The following PREX1 variants were observed in gnomAD, a reference collection of about 807,000 sequenced individuals.
The protein encoded by PREX1 is phosphatidylinositol 3,4,5-trisphosphate-dependent Rac exchanger 1 protein.
In PREX1, 41 loss-of-function variants were observed where a neutral mutation model predicts 198.3. The observed-to-expected ratio is 0.21, with a 90% CI of 0.16 to 0.27. The LOEUF (loss-of-function observed/expected upper bound fraction) is 0.27, where lower values mean the gene tolerates loss of function less well. PREX1 is among the 10% of genes least tolerant of loss of function. PREX1 has a pLI of 1.00. For synonymous variants in PREX1, 843 were observed against 887.2 expected, an observed-to-expected ratio of 0.95 and a Z score of 0.89; for missense variants, 1,620 against 2,200.7, an observed-to-expected ratio of 0.74 and a Z score of 5.28.
intron 31 of PREX1, 96 bp from the exon 32 acceptor site, chr20:48,636,779 AC>A (rs1568793641): frequency 2.8e-6 from 3 of 1,079,424 alleles, no homozygotes; most frequent in Non-Finnish European, 3.9e-6. Context: ...CCCTCATGGA[AC>A]CCCCAGCAAA....
At chr20:48,692,825 G>T in intron 7 of PREX1, 35 bp from the exon 8 acceptor site, 1 of 1,546,940 alleles carries the variant, frequency 6.5e-7, no homozygotes, top group Non-Finnish European at 8.9e-7. Flanking sequence ...TCCCCTACAC[G>T]TCACCTCCCA....
chr20:48,675,792 G>A (rs11086259), intron 14 of PREX1, among the ~76,000 whole-genome samples: 60,512 of 151,580 alleles, frequency 0.4, 12,923 homozygotes, highest in African/African-American at 0.55. Flanking sequence ...TAATCCCAGT[G>A]ATTTGGGAGG....
intron 1 of PREX1, among the ~76,000 whole-genome samples, chr20:48,769,700 CAT>C (rs917713867): frequency 1.3e-4 from 20 of 152,202 alleles, no homozygotes; most frequent in Non-Finnish European, 1.8e-4. Flanking sequence ...CACGTAACCA[CAT>C]GACTCATTCA....
At chr20:48,772,560 T>G (rs1293241504) in intron 1 of PREX1, among the ~76,000 whole-genome samples, 6 of 152,244 alleles carry the variant, frequency 3.9e-5, no homozygotes, top group Non-Finnish European at 7.3e-5. Context: ...TTTTTCTCTT[T>G]GCGGAACTTC....
Position 48,651,537 on chromosome 20 carries a change from G to A in PREX1, c.2514C>T (p.Asp838=). ...CCACAGTCAGGGTGACCATGGGGCTGTCCTCACACAGGCTCAGCCGGGGAC... is the reference window on the plus strand; with the variant it reads ...CCACAGTCAGGGTGACCATGGGGCTATCCTCACACAGGCTCAGCCGGGGAC... ...SLGPRLSLCE[D]SPMVTLTVDN... The change falls in exon 22 of 40, where the codon GAC becomes GAT. Residue 838 remains aspartate (D), a synonymous_variant. Coordinates refer to ENST00000371941, the MANE Select transcript of PREX1 (RefSeq NM_020820.4). 1 of 1,614,198 alleles carries A rather than the reference G, an allele frequency of 6.2e-7. No individual in the cohort carries two copies.
intron 36 of PREX1, 68 bp from the exon 37 acceptor site, chr20:48,629,689 GC>G: frequency 6.6e-7 from 1 of 1,517,492 alleles, no homozygotes; most frequent in Non-Finnish European, 9.1e-7. Context: ...CCCCCATCTG[GC>G]CCTCCTCCCC....
chr20:48,874,106 A>G, the PREX1 span, among the ~76,000 whole-genome samples: 1 of 152,116 alleles, frequency 6.6e-6, no homozygotes, highest in Non-Finnish European at 1.5e-5. Context: ...TGACAATTAT[A>G]AGCATCTAGT....
intron 1 of PREX1, among the ~76,000 whole-genome samples, chr20:48,784,963 G>C (rs144694238): frequency 0.037 from 5,600 of 151,918 alleles, 170 homozygotes; most frequent in Non-Finnish European, 0.057. Context: ...ACTCAGGCTG[G>C]AGTGCAATGG....
chr20:48,770,792 C>T lies in PREX1; in HGVS notation c.220-22912G>A, dbSNP rs370271642. Among the ~76,000 whole-genome samples, 6 of 152,254 alleles carry T rather than the reference C, an allele frequency of 3.9e-5. 1 individual carries two copies. Among genetic ancestry groups the T allele is most frequent in the Admixed American group, 2.0e-4 (3 of 15,296 alleles). Reference sequence around the variant, plus strand: ...TTTGCAAACCTTTGCAATCACAAGGCAACCCCTTGGCAGCCCTAATCCATG... The same window carrying T: ...TTTGCAAACCTTTGCAATCACAAGGTAACCCCTTGGCAGCCCTAATCCATG... On this transcript the variant is annotated intron_variant, in intron 1 of 39. Transcript: ENST00000371941.
intron 6 of PREX1, among the ~76,000 whole-genome samples, 153 bp downstream of exon 6, chr20:48,708,107 A>C (rs763879178): frequency 6.6e-6 from 1 of 152,234 alleles, no homozygotes; most frequent in African/African-American, 2.4e-5. Context: ...ATTTGGATTT[A>C]ATTGAAAAAT....
intron 1 of PREX1, among the ~76,000 whole-genome samples, chr20:48,759,268 G>A (rs1679368102): frequency 6.6e-6 from 1 of 152,064 alleles, no homozygotes; most frequent in Admixed American, 6.6e-5. Context: ...ACTGCAGGCA[G>A]GCCAGGCGCG....
chr20:48,850,955 T>A, the PREX1 span, among the ~76,000 whole-genome samples: 1 of 152,206 alleles, frequency 6.6e-6, no homozygotes, highest in South Asian at 2.1e-4. Context: ...GGTTTTCACA[T>A]TTTAAATGGC....
chr20:48,804,298 C>T (rs1468990977), intron 1 of PREX1, among the ~76,000 whole-genome samples: 1 of 152,144 alleles, frequency 6.6e-6, no homozygotes, highest in Non-Finnish European at 1.5e-5. Flanking sequence ...GAAGAGCAGG[C>T]AAGAAGCAGA....
Position 48,734,496 on chromosome 20 carries a change from A to G in PREX1, c.519+50T>C, listed in dbSNP as rs2090048290. On this transcript the variant is annotated intron_variant, in intron 4 of 39. Coordinates refer to ENST00000371941, the MANE Select transcript of PREX1 (RefSeq NM_020820.4). ...AAGTCCTCTTGTGCCCAGATTCCACAAGGATGAGGCCGAGTGCAAGGGAGC... is the reference window on the plus strand; with the variant it reads ...AAGTCCTCTTGTGCCCAGATTCCACGAGGATGAGGCCGAGTGCAAGGGAGC... 8.6e-6 allele frequency: 13 copies of G among 1,511,320 alleles called. No individual in the cohort carries two copies. In the East Asian group the frequency reaches 2.7e-4, roughly 32 times the overall value. The allele number at this position is 1,511,320 out of a possible 1,614,324, so 93.6% of individuals were successfully genotyped here.
chr20:48,857,144 C>T, the PREX1 span, among the ~76,000 whole-genome samples: 1 of 152,208 alleles, frequency 6.6e-6, no homozygotes, highest in Non-Finnish European at 1.5e-5. Context: ...CAGCCTACCC[C>T]TAAATTTCTT....
intron 19 of PREX1, 98 bp from the exon 20 acceptor site, chr20:48,653,595 G>A (rs971068348): frequency 6.8e-6 from 10 of 1,465,018 alleles, no homozygotes; most frequent in Middle Eastern, 2.0e-4. Flanking sequence ...CCCCAGACAC[G>A]CGCAAGGACT....
At chr20:48,819,579 GT>G (rs2090474550) in intron 1 of PREX1, among the ~76,000 whole-genome samples, 1 of 152,184 alleles carries the variant, frequency 6.6e-6, no homozygotes. Context: ...CCCGGCTTTA[GT>G]TTCCCCATCT....
intron 6 of PREX1, among the ~76,000 whole-genome samples, chr20:48,703,323 G>A (rs751851242): frequency 5.3e-5 from 8 of 152,222 alleles, no homozygotes; most frequent in Non-Finnish European, 1.2e-4. Context: ...GCCTGCATTC[G>A]TTATCACACA....
At chr20:48,856,910 G>A in the PREX1 span, among the ~76,000 whole-genome samples, 1 of 152,172 alleles carries the variant, frequency 6.6e-6, no homozygotes, top group African/African-American at 2.4e-5. Flanking sequence ...CATGATCTCG[G>A]TTCACTGCAT....
Sources: gnomAD v4.1 joint callset for allele counts (sites outside exome capture counted in the v4.1 genomes callset) on GRCh38, gnomAD v4.1.1 for gene constraint, MANE v1.5 for transcripts, NCBI Gene and HGNC (gene_info 2026-07-23, HGNC 2026-07-21) for gene names.